C4orf50: variants seen among roughly 807,000 people sequenced by gnomAD.
C4orf50 encodes the protein uncharacterized protein C4orf50.
In C4orf50, 80 loss-of-function variants were observed where a neutral mutation model predicts 77.2. The observed-to-expected ratio is 1.04, with a 90% CI of 0.87 to 1.25. The LOEUF (loss-of-function observed/expected upper bound fraction) is 1.25, where lower values mean the gene tolerates loss of function less well. Ranked by LOEUF, C4orf50 falls within the 50% of genes most tolerant of loss-of-function variation. C4orf50 has a pLI of 0.00. For synonymous variants in C4orf50, 532 were observed against 465.3 expected (o/e 1.14, Z -1.84); for missense variants, 1,257 against 1,152.9 (o/e 1.09, Z -1.31).
chr4:6,002,658 C>A (rs570365652), intron 25 of C4orf50, among the ~76,000 whole-genome samples: 1 of 152,202 alleles, frequency 6.6e-6, no homozygotes, highest in South Asian at 2.1e-4. Context: ...CTTCCCCCCA[C>A]CAGGTGGGCT....
exon 8 of C4orf50, chr4:5,898,054 T>C (rs905560258): frequency 1.3e-5 from 2 of 152,244 alleles, no homozygotes; most frequent in Non-Finnish European, 2.9e-5. Context: ...TGTACAGTTA[T>C]TGTGCATTTG....
At chr4:5,945,080 G>A (rs1280834461) in intron 7 of C4orf50, among the ~76,000 whole-genome samples, 1 of 152,186 alleles carries the variant, frequency 6.6e-6, no homozygotes, top group African/African-American at 2.4e-5. Context: ...ACAGGCCAGT[G>A]GCTCTAGCAC....
chr4:5,996,200 C>T (rs1721581836), intron 25 of C4orf50, among the ~76,000 whole-genome samples: 1 of 152,204 alleles, frequency 6.6e-6, no homozygotes, highest in Admixed American at 6.5e-5. Flanking sequence ...GGCCTCTGCA[C>T]CTTCCCATAT....
chr4:5,973,891 G>T, intron 30 of C4orf50, 50 bp from the exon 9 acceptor site: 1 of 1,464,732 alleles, frequency 6.8e-7, no homozygotes, highest in Non-Finnish European at 9.3e-7. Flanking sequence ...GGGCTGCATG[G>T]CTGAGCTGGA....
At position 5,977,859 on chromosome 4, in the gene C4orf50, G is replaced by A. The variant is rs149299148; in HGVS notation, c.3865-1904C>T. 4.6e-4 allele frequency among the ~76,000 whole-genome samples: 70 copies of A among 152,206 alleles called. 1 individual carries two copies. In the East Asian group the frequency reaches 0.012, roughly 27 times the overall value. Reference sequence around the variant, plus strand: ...TATTGGGCATTTGCAATCAAAAAGTGAACAAGAAGAAATTAAAAAGATAAC... The same window carrying A: ...TATTGGGCATTTGCAATCAAAAAGTAAACAAGAAGAAATTAAAAAGATAAC... On this transcript the variant is annotated intron_variant, in intron 29 of 33. Transcript: ENST00000531445.
chr4:5,989,549 C>G (rs1331521101), exon 28 of C4orf50: 1 of 1,536,160 alleles, frequency 6.5e-7, no homozygotes, highest in Non-Finnish European at 8.7e-7. Context: ...CCCCTACATG[C>G]AGAGGCTGAG....
At chr4:5,947,633 C>T (rs920034638) in intron 7 of C4orf50, among the ~76,000 whole-genome samples, 2 of 152,070 alleles carry the variant, frequency 1.3e-5, no homozygotes, top group East Asian at 3.9e-4. Context: ...CGCACTGCAG[C>T]CCCGAGGGCC....
At chr4:5,986,715 T>A (rs1231596713) in intron 28 of C4orf50, among the ~76,000 whole-genome samples, 2 of 151,958 alleles carry the variant, frequency 1.3e-5, no homozygotes, top group East Asian at 3.9e-4. Context: ...ATTTTTGTAT[T>A]TTTAGTAGAG....
chr4:5,935,784 T>TAAAA (rs769910855), intron 7 of C4orf50, among the ~76,000 whole-genome samples: 3 of 31,474 alleles, frequency 9.5e-5, no homozygotes, highest in Non-Finnish European at 1.6e-4. Context: ...AGACTCCGTC[T>TAAAA]AAAAAAAAAA....
chr4:5,999,549 C>T (rs372108445), intron 25 of C4orf50, among the ~76,000 whole-genome samples: 4 of 152,350 alleles, frequency 2.6e-5, no homozygotes, highest in African/African-American at 9.6e-5. Flanking sequence ...GAAGCAGTCC[C>T]TTCAGCCAGA....
chr4:6,007,048 G>A lies in C4orf50; in HGVS notation c.963+948C>T, dbSNP rs74717043. 6.5e-4 allele frequency among the ~76,000 whole-genome samples: 99 copies of A among 152,320 alleles called. 1 individual carries two copies. The East Asian group carries it at 8.9e-3, about 14-fold the overall frequency. ...GAAGATTTTGTCTAGCGCAGGGCCT[G>A]GCTGTCAGCAGGAACTCATTGGATG... On this transcript the variant is annotated intron_variant, in intron 25 of 33. Transcript: ENST00000531445. The surrounding 1 kb of genome is among the most constrained non-coding windows in gnomAD (Gnocchi z 4.1).
intron 25 of C4orf50, among the ~76,000 whole-genome samples, chr4:6,005,673 T>C (rs73795162): frequency 6.6e-6 from 1 of 152,210 alleles, no homozygotes; most frequent in East Asian, 1.9e-4. Context: ...AAACAGCACC[T>C]GTCTCACAAG....
At chr4:5,917,544 G>C (rs941856400) in intron 7 of C4orf50, among the ~76,000 whole-genome samples, 3 of 150,678 alleles carry the variant, frequency 2.0e-5, no homozygotes, top group South Asian at 2.1e-4. Flanking sequence ...CTCCTGAGTA[G>C]CTGGGACTAC....
intron 25 of C4orf50, among the ~76,000 whole-genome samples, chr4:6,001,270 C>T (rs1721819214): frequency 6.6e-6 from 1 of 152,198 alleles, no homozygotes; most frequent in South Asian, 2.1e-4. Flanking sequence ...CTGCCTCAGC[C>T]TCCCGAGTAG....
rs143593852 is a variant in C4orf50 at position 5,918,941 on chromosome 4, G to C, written c.*2475-20753C>G. Among the ~76,000 whole-genome samples the C allele has an allele frequency of 3.8e-3, 574 of 152,246 alleles. 6 individuals are homozygous for C. Among genetic ancestry groups the C allele is most frequent in the Non-Finnish European group, 6.4e-3 (433 of 68,018 alleles). On this transcript the variant is annotated intron_variant, in intron 7 of 7. Transcript: ENST00000324058. ...CATACCCCTCCCAGGTGGTTCTAAC[G>C]TGCAACCAGGGCTGAGAATCACCGG... is the stretch of plus-strand genomic sequence containing the variant.
chr4:6,011,833 G>A lies in C4orf50; in HGVS notation c.423C>T (p.Ser141=). ...GGAAAGGAGAAGGAAACGGTACCTG[G>A]CTGGCCAGCTCCCCCTGCAGCGCCG... The change falls in exon 24 of 34, where the codon AGC becomes AGT. Residue 141 remains serine (S), a synonymous_variant. Transcript: ENST00000531445. The surrounding 1 kb of genome is among the most constrained non-coding windows in gnomAD (Gnocchi z 4.2). The A allele has an allele frequency of 2.5e-6, 1 of 399,098 alleles. No individual in the cohort carries two copies. The highest frequency in any genetic ancestry group is 3.6e-5 in the East Asian group (1 of 28,074). 24.7% of individuals were successfully genotyped at this position (399,098 alleles called of 1,614,324 possible).
At chr4:5,934,983 T>G (rs956124407) in intron 7 of C4orf50, among the ~76,000 whole-genome samples, 1 of 152,238 alleles carries the variant, frequency 6.6e-6, no homozygotes, top group Non-Finnish European at 1.5e-5. Context: ...CTTCAGTTTC[T>G]CCAGCTGTAA....
chr4:5,908,064 T>TTC lies in C4orf50; in HGVS notation c.*2475-9877_*2475-9876insGA, dbSNP rs1716634617. Among the ~76,000 whole-genome samples, 1 of 116,560 alleles carries TTC rather than the reference T, an allele frequency of 8.6e-6. No individual in the cohort carries two copies. Among genetic ancestry groups the TTC allele is most frequent in the South Asian group, 3.1e-4 (1 of 3,234 alleles). 76.5% of individuals were successfully genotyped at this position (116,560 alleles called of 152,430 possible). On this transcript the variant is annotated intron_variant, in intron 7 of 7. Coordinates refer to the C4orf50 transcript ENST00000324058. This position sits in a 1 kb window ranked among gnomAD's most constrained non-coding sequence, Gnocchi z 5.6. The stretch of plus-strand genomic sequence containing the variant: ...TCATTCATTCATTCATTCATTCATT[T>TTC]GCTTGTTTATTCATTCACTCATTTA...
chr4:5,975,831 C>G (rs931284604), intron 30 of C4orf50, 68 bp downstream of exon 8: 1 of 1,274,026 alleles, frequency 7.8e-7, no homozygotes, highest in African/African-American at 1.5e-5. Flanking sequence ...ACATGTCTAA[C>G]AGGAAAACTA....
Sources: allele counts gnomAD v4.1 joint callset (sites outside exome capture counted in the v4.1 genomes callset), GRCh38; gene constraint gnomAD v4.1.1; non-coding constraint Gnocchi (gnomAD v3.1); transcripts MANE v1.5; gene names NCBI Gene and HGNC (gene_info 2026-07-23, HGNC 2026-07-21).